SLC50A1: variants seen among roughly 807,000 people sequenced by gnomAD.
SLC50A1 encodes solute carrier family 50 member 1, also known as sugar transporter SWEET1.
SLC50A1 carries 22 observed loss-of-function variants against 28.9 expected under a neutral mutation model. The ratio of observed to expected loss-of-function variants is 0.76; its 90% CI spans 0.54 to 1.09. SLC50A1 has a LOEUF of 1.09. SLC50A1 is among the 50% of genes least tolerant of loss of function. The pLI, the probability that SLC50A1 is intolerant of heterozygous loss-of-function variation, is 0.00. For missense variants in SLC50A1, 233 were observed against 273.4 expected, an observed-to-expected ratio of 0.85 and a Z score of 1.04; for synonymous variants, 96 against 110.6, an observed-to-expected ratio of 0.87 and a Z score of 0.83.
chr1:155,135,643 G>A (rs1361776750), upstream of SLC50A1: 5 of 1,550,250 alleles, frequency 3.2e-6, no homozygotes, highest in African/African-American at 1.4e-5. Flanking sequence ...ACACACCCGC[G>A]GAGCCCTAGG....
intron 1 of SLC50A1, 122 bp downstream of exon 1, chr1:155,136,113 G>T: frequency 3.1e-6 from 4 of 1,289,062 alleles, no homozygotes; most frequent in East Asian, 2.5e-5. Flanking sequence ...GGATCGGGTC[G>T]AGGGGACCGG....
At chr1:155,136,042 A>T in intron 1 of SLC50A1, 51 bp downstream of exon 1, 1 of 1,599,892 alleles carries the variant, frequency 6.3e-7, no homozygotes, top group South Asian at 1.1e-5. Context: ...TCAGGAAAGG[A>T]GAGAGAGGGG....
chr1:155,135,853 G>A lies in SLC50A1; in HGVS notation c.-59G>A. 6.2e-7 allele frequency: 1 copy of A among 1,609,262 alleles called. No homozygotes were observed. Among genetic ancestry groups the A allele is most frequent in the East Asian group, 2.2e-5 (1 of 44,746 alleles). ...AGAGCCGCAGGTCTGGGCTGCAGTA[G>A]GTCCCGGCAACCGCAGGCTCGCGGC... is the stretch of plus-strand genomic sequence containing the variant. On this transcript the variant is annotated 5_prime_UTR_variant, in exon 1 of 6. Coordinates refer to ENST00000368404, the MANE Select transcript of SLC50A1 (RefSeq NM_018845.4).
upstream of SLC50A1, chr1:155,135,585 A>G: frequency 6.5e-7 from 1 of 1,548,636 alleles, no homozygotes; most frequent in Non-Finnish European, 8.7e-7. Context: ...GGGGGCGTCT[A>G]GATGATCCAA....
At chr1:155,136,154 G>A in intron 1 of SLC50A1, 145 bp from the exon 2 acceptor site, 1 of 476,646 alleles carries the variant, frequency 2.1e-6, no homozygotes, top group Non-Finnish European at 3.6e-6. Flanking sequence ...CACTAGGCCT[G>A]AAGGAGAAGG....
At position 155,136,879 on chromosome 1, in the gene SLC50A1, C is replaced by CAACACAGTGGGTTGACA. The variant is rs1267101995; in HGVS notation, c.210_211insAACACAGTGGGTTGACA (p.Val71AsnfsTer5). The CAACACAGTGGGTTGACA allele has an allele frequency of 6.2e-7, 1 of 1,614,098 alleles. No individual in the cohort carries two copies. Among genetic ancestry groups the CAACACAGTGGGTTGACA allele is most frequent in the African/African-American group, 1.3e-5 (1 of 74,946 alleles). ...CTTTGAAGGGAGACGGGATCCTCAT[C>CAACACAGTGGGTTGACA]GTCGTCAACACAGTGGGTGCTGCGC... On this transcript the variant is annotated stop_gained and frameshift_variant, in exon 3 of 6. Transcript: ENST00000368404. LOFTEE classifies it high-confidence loss of function.
Position 155,135,994 on chromosome 1 carries a change from G to A in SLC50A1, c.80+3G>A, listed in dbSNP as rs1664429422. The stretch of plus-strand genomic sequence containing the variant: ...CTTGGCATGTTCTCCGCCGGCCTGT[G>A]AGAGTGCGGCCGGGCTGGGTTGGGG... On this transcript the variant is annotated splice_donor_region_variant and intron_variant, in intron 1 of 5. Transcript: ENST00000368404. The A allele has an allele frequency of 1.9e-6, 3 of 1,614,066 alleles. No individual in the cohort carries two copies. The East Asian group carries it at 6.7e-5, about 36-fold the overall frequency.
In SLC50A1 at chr1:155,136,023, A is replaced by C. The variant is rs747565775; in HGVS notation, c.80+32A>C. On this transcript the variant is annotated intron_variant, in intron 1 of 5. Coordinates refer to ENST00000368404, the MANE Select transcript of SLC50A1 (RefSeq NM_018845.4). ...GTGCGGCCGGGCTGGGTTGGGGAGGACTAGGCAGTCAGGAAAGGAGAGAGA... is the reference window on the plus strand; with the variant it reads ...GTGCGGCCGGGCTGGGTTGGGGAGGCCTAGGCAGTCAGGAAAGGAGAGAGA... 3 of 1,611,774 alleles carry C rather than the reference A, an allele frequency of 1.9e-6. No individual in the cohort carries two copies. The South Asian group carries it at 3.3e-5, about 18-fold the overall frequency.
chr1:155,135,663 G>C, upstream of SLC50A1: 1 of 1,550,452 alleles, frequency 6.4e-7, no homozygotes, highest in African/African-American at 1.4e-5. Flanking sequence ...GAAGGGGACT[G>C]ACCGGGACAT....
In SLC50A1 at chr1:155,136,542, G is replaced by C. The variant is rs1664493732; in HGVS notation, c.158+166G>C. 4 of 732,586 alleles carry C rather than the reference G, an allele frequency of 5.5e-6. No individual in the cohort carries two copies. The South Asian group carries it at 6.8e-5, about 13-fold the overall frequency. 45.4% of individuals were successfully genotyped at this position (732,586 alleles called of 1,614,324 possible). A position where few individuals can be genotyped will look rare whatever the true frequency, so the allele number is the denominator to read the frequency against. Reference sequence around the variant, plus strand: ...GCGGATCACGAGGTCAGGAGATCCAGACCATCCTGGCTAACACGGTGAAAC... The same window carrying C: ...GCGGATCACGAGGTCAGGAGATCCACACCATCCTGGCTAACACGGTGAAAC... On this transcript the variant is annotated intron_variant, in intron 2 of 5. Transcript: ENST00000368404.
Position 155,135,972 on chromosome 1 carries a change from G to A in SLC50A1, c.61G>A (p.Gly21Ser). ...CGGAGCATGCGTGGTCTTCACCCTTGGCATGTTCTCCGCCGGCCTGTGAGA... is the reference window on the plus strand; with the variant it reads ...CGGAGCATGCGTGGTCTTCACCCTTAGCATGTTCTCCGCCGGCCTGTGAGA... The part of the protein sequence containing the change: ...IYGACVVFTL[G>S]MFSAGLSDLR... The change falls in exon 1 of 6, where the codon GGC becomes AGC. Residue 21 changes from glycine (G) to serine (S), a missense_variant. By Grantham distance (56) the Gly-to-Ser change is moderately conservative. Coordinates refer to ENST00000368404, the MANE Select transcript of SLC50A1 (RefSeq NM_018845.4). 6.2e-7 allele frequency: 1 copy of A among 1,614,118 alleles called. No homozygotes were observed. Among genetic ancestry groups the A allele is most frequent in the Non-Finnish European group, 8.5e-7 (1 of 1,180,024 alleles).
chr1:155,135,615 C>G, upstream of SLC50A1: 1 of 1,550,230 alleles, frequency 6.5e-7, no homozygotes, highest in South Asian at 1.2e-5. Flanking sequence ...AGAGTGTGAG[C>G]AGCGGCAGGT....
intron 1 of SLC50A1, 39 bp from the exon 2 acceptor site, chr1:155,136,260 C>G: frequency 7.3e-7 from 1 of 1,375,022 alleles, no homozygotes; most frequent in Non-Finnish European, 1.0e-6. Flanking sequence ...CTGCTTCTCC[C>G]TTCCCACCCC....
chr1:155,135,769 T>C, upstream of SLC50A1: 2 of 1,550,700 alleles, frequency 1.3e-6, no homozygotes, highest in Non-Finnish European at 1.7e-6. Flanking sequence ...TTCGGCGCAG[T>C]TTCCGGAGGG....
intron 1 of SLC50A1, 37 bp downstream of exon 1, chr1:155,136,028 G>A: frequency 6.2e-7 from 1 of 1,610,658 alleles, no homozygotes; most frequent in Non-Finnish European, 8.5e-7. Context: ...GGAGGACTAG[G>A]CAGTCAGGAA....
intron 5 of SLC50A1, 37 bp from the exon 6 acceptor site, chr1:155,138,143 C>G: frequency 6.2e-7 from 1 of 1,614,200 alleles, no homozygotes; most frequent in Non-Finnish European, 8.5e-7. Flanking sequence ...AGATGGAAAA[C>G]TGGCTCCTCT....
At chr1:155,136,055 A>G (rs1487807312) in intron 1 of SLC50A1, 64 bp downstream of exon 1, 3 of 1,578,908 alleles carry the variant, frequency 1.9e-6, no homozygotes, top group African/African-American at 2.7e-5. Flanking sequence ...GAGAGGGGAC[A>G]GAGACGTGGC....
chr1:155,136,012 G>A (rs1339663573), intron 1 of SLC50A1, 21 bp downstream of exon 1: 1 of 1,613,514 alleles, frequency 6.2e-7, no homozygotes, highest in Admixed American at 1.7e-5. Context: ...GGCCGGGCTG[G>A]GTTGGGGAGG....
Position 155,138,196 on chromosome 1 carries a change from G to T in SLC50A1, c.581G>T (p.Gly194Val). The change falls in exon 6 of 6, where the codon GGA becomes GTA. Residue 194 changes from glycine (G) to valine (V), a missense_variant. Physicochemically the swap from Gly to Val is moderately radical, Grantham distance 109 (BLOSUM62 -3). Transcript: ENST00000368404. ...DPYIMVSNFP[G>V]IVTSFIRFWL... ...TGATTTCAGGTGTCCAACTTTCCAG[G>T]AATCGTCACCAGCTTTATCCGCTTC... The T allele has an allele frequency of 6.2e-7, 1 of 1,614,166 alleles. No individual in the cohort carries two copies. The highest frequency in any genetic ancestry group is 8.5e-7 in the Non-Finnish European group (1 of 1,180,032).
Sources: gnomAD v4.1 joint callset for allele counts on GRCh38, gnomAD v4.1.1 for gene constraint, MANE v1.5 for transcripts, NCBI Gene and HGNC (gene_info 2026-07-23, HGNC 2026-07-21) for gene names.